Variants in SEC16B observed in about 807,000 individuals in gnomAD.
SEC16B encodes the protein SEC16 homolog B, endoplasmic reticulum export factor.
In SEC16B, 115 loss-of-function variants were observed where a neutral mutation model predicts 141.8. That is an observed-to-expected ratio of 0.81 (90% CI 0.70 to 0.95). SEC16B has a LOEUF of 0.95. SEC16B is among the 40% of genes least tolerant of loss of function. The pLI, the probability that SEC16B is intolerant of heterozygous loss-of-function variation, is 0.00. For synonymous variants in SEC16B, 493 were observed against 492.5 expected, an observed-to-expected ratio of 1.00 and a Z score of -0.01; for missense variants, 1,291 against 1,312.3, an observed-to-expected ratio of 0.98 and a Z score of 0.25.
intron 20 of SEC16B, among the ~76,000 whole-genome samples, chr1:177,933,989 T>TCC (rs376497970): frequency 7.6e-6 from 1 of 130,984 alleles, no homozygotes; most frequent in African/African-American, 2.9e-5. Flanking sequence ...GCCCACAAGC[T>TCC]CCCCCCAAAA....
intron 14 of SEC16B, chr1:177,946,024 A>T (rs1294590804): frequency 1.0e-5 from 4 of 392,494 alleles, no homozygotes; most frequent in Non-Finnish European, 1.8e-5. Flanking sequence ...TCCATTTTCC[A>T]GTTTTGCCTG....
chr1:177,944,704 TG>T (rs1355889031), intron 14 of SEC16B, 38 bp from the exon 15 acceptor site: 2 of 1,550,130 alleles, frequency 1.3e-6, no homozygotes, highest in Non-Finnish European at 1.8e-6. Context: ...GATTGAGGTG[TG>T]GGGGACGCAG....
At chr1:177,942,961 TACTGAGAACAAACCGCATGC>T (rs776842529) in intron 15 of SEC16B, among the ~76,000 whole-genome samples, 12 of 152,182 alleles carry the variant, frequency 7.9e-5, no homozygotes, top group Non-Finnish European at 1.6e-4. Flanking sequence ...TCAGGTAAAG[TACTGAGAACAAACCGCATGC>T]AAGAGATGAG....
At chr1:177,942,155 A>G in intron 15 of SEC16B, 115 bp from the exon 16 acceptor site, 1 of 1,146,600 alleles carries the variant, frequency 8.7e-7, no homozygotes, top group Non-Finnish European at 1.2e-6. Flanking sequence ...TCTGGCATCC[A>G]AATACCAAGA....
rs570510945 is a variant in SEC16B at position 177,943,660 on chromosome 1, A to G, written c.1881+901T>C. Among the ~76,000 whole-genome samples, 6 of 152,356 alleles carry G rather than the reference A, an allele frequency of 3.9e-5. No individual in the cohort carries two copies. The South Asian group carries it at 1.2e-3, about 32-fold the overall frequency. The stretch of plus-strand genomic sequence containing the variant: ...ACCTGTGCATAAAAGTCAAGAAAAC[A>G]CAAGGCAGCGTGAGCTCAGTGTCAG... On this transcript the variant is annotated intron_variant, in intron 15 of 25. Coordinates refer to ENST00000308284, the MANE Select transcript of SEC16B (RefSeq NM_033127.4).
chr1:177,949,383 AACACACACACACACACAC>A (rs61635250), intron 12 of SEC16B, among the ~76,000 whole-genome samples: 26,908 of 136,822 alleles, frequency 0.2, 2,627 homozygotes, highest in Middle Eastern at 0.26. Flanking sequence ...TCCCTTGCTA[AACACACACACACACACAC>A]ACACACACAC....
At chr1:177,944,521 C>T (rs774311694) in intron 15 of SEC16B, 40 bp downstream of exon 15, 2 of 1,515,790 alleles carry the variant, frequency 1.3e-6, no homozygotes, top group East Asian at 2.3e-5. Context: ...CCTGCAGCTG[C>T]CTGACAGTGA....
In SEC16B at chr1:177,965,942, A is replaced by T. The variant is rs1299442596; in HGVS notation, c.363T>A (p.Tyr121Ter). 1 of 1,600,210 alleles carries T rather than the reference A, an allele frequency of 6.2e-7. No individual in the cohort carries two copies. The highest frequency in any genetic ancestry group is 1.7e-5 in the Admixed American group (1 of 58,200). ...GGTGTCCATGATAGTAATAACTTCC[A>T]TAAGCATATTCCTCCCTCATTGTGG... ...QSPTMREEYA[Y>*]GSYYYHGHPQ... is the part of the protein sequence containing the mutation. Residue 121 changes from tyrosine (Y) to a stop codon, truncating the protein, a stop_gained, in exon 3 of 26, where the codon TAT (tyrosine) becomes TAA (stop). Coordinates refer to ENST00000308284, the MANE Select transcript of SEC16B (RefSeq NM_033127.4). LOFTEE classifies it high-confidence loss of function.
Position 177,965,964 on chromosome 1 carries a change from G to A in SEC16B, c.341C>T (p.Thr114Ile). The change falls in exon 3 of 26, where the codon ACA (threonine) becomes ATA (isoleucine). Residue 114 changes from threonine (T) to isoleucine (I), a missense_variant. Physicochemically the swap from Thr to Ile is moderately conservative, Grantham distance 89 (BLOSUM62 -1). Around this residue, in one of 3 missense-constraint regions of SEC16B, gnomAD observed 681 missense variants for 675.5 expected, o/e 1.01. Transcript: ENST00000308284. The stretch of plus-strand genomic sequence containing the variant: ...TCCATAAGCATATTCCTCCCTCATT[G>A]TGGGAGACTGATAGCTCTGATATGA... Reference protein sequence around the residue: ...ENSYQSYQSPTMREEYAYGSY... With the variant: ...ENSYQSYQSPIMREEYAYGSY... 1 of 1,596,866 alleles carries A rather than the reference G, an allele frequency of 6.3e-7. No homozygotes were observed. Among genetic ancestry groups the A allele is most frequent in the Non-Finnish European group, 8.5e-7 (1 of 1,170,690 alleles).
intron 13 of SEC16B, 63 bp downstream of exon 13, chr1:177,947,762 A>AGGGAG (rs1217531987): frequency 1.3e-6 from 1 of 745,396 alleles, no homozygotes; most frequent in Non-Finnish European, 2.0e-6. Context: ...GGAAAGGGAC[A>AGGGAG]GGGAGGGGAG....
At chr1:177,963,834 A>T (rs985623576) in intron 5 of SEC16B, among the ~76,000 whole-genome samples, 1 of 152,226 alleles carries the variant, frequency 6.6e-6, no homozygotes, top group Non-Finnish European at 1.5e-5. Flanking sequence ...GGATTAAACC[A>T]AATTGCTAGT....
chr1:177,954,180 C>T (rs1448644209), intron 11 of SEC16B, 99 bp downstream of exon 11: 8 of 776,102 alleles, frequency 1.0e-5, no homozygotes, highest in African/African-American at 1.7e-5. Context: ...GAGTGTGAGT[C>T]TCCTTAGCGC....
intron 24 of SEC16B, 131 bp from the exon 25 acceptor site, chr1:177,930,774 TC>T: frequency 1.7e-6 from 1 of 588,258 alleles, no homozygotes. Context: ...TTATCGACTC[TC>T]CAAAGGACAT....
intron 2 of SEC16B, among the ~76,000 whole-genome samples, chr1:177,966,658 C>G (rs994450422): frequency 2.0e-5 from 3 of 152,096 alleles, no homozygotes; most frequent in African/African-American, 7.2e-5. Context: ...CTCCATCTCC[C>G]GGGTTTAAGT....
chr1:177,937,372 G>A lies in SEC16B; in HGVS notation c.2345C>T (p.Ser782Phe), dbSNP rs114840329. The A allele has an allele frequency of 1.5e-3, 2,477 of 1,613,024 alleles. 38 individuals carry two copies. The African/African-American group carries it at 0.029, about 19-fold the overall frequency. The change falls in exon 19 of 26, where the codon TCC (serine) becomes TTC (phenylalanine). Residue 782 changes from serine (S) to phenylalanine (F), a missense_variant. Ser to Phe is a radical substitution (Grantham distance 155, BLOSUM62 -2). Coordinates refer to ENST00000308284, the MANE Select transcript of SEC16B (RefSeq NM_033127.4). ...PQQPFPLQPGSYPAGGGAGQT... is the reference protein window; with the variant it reads ...PQQPFPLQPGFYPAGGGAGQT... ...CCCTGCACCCCCTCCTGCTGGGTAGGAGCCCGGCTGGAGGGGAAAGGGCTG... is the reference window on the plus strand; with the variant it reads ...CCCTGCACCCCCTCCTGCTGGGTAGAAGCCCGGCTGGAGGGGAAAGGGCTG...
At position 177,965,082 on chromosome 1, in the gene SEC16B, G is replaced by C; in HGVS notation, c.498C>G (p.His166Gln). 6.2e-7 allele frequency: 1 copy of C among 1,613,562 alleles called. No individual in the cohort carries two copies. The highest frequency in any genetic ancestry group is 8.5e-7 in the Non-Finnish European group (1 of 1,179,746). ...TCTCACTATTTGTTCCAAATGGACT[G>C]TGCTGGTTTTCATAATGATGTTCAT... ...YLDEHHYENQ[H>Q]SPFGTNSETH... is the part of the protein sequence containing the mutation. The change falls in exon 4 of 26, where the codon CAC (histidine) becomes CAG (glutamine). Residue 166 changes from histidine (H) to glutamine (Q), a missense_variant. His to Gln is a conservative substitution (Grantham distance 24, BLOSUM62 0). This residue lies in a region of SEC16B where 681 missense variants were observed against 675.5 expected (regional missense o/e 1.01). Coordinates refer to ENST00000308284, the MANE Select transcript of SEC16B (RefSeq NM_033127.4).
intron 12 of SEC16B, 99 bp downstream of exon 12, chr1:177,951,807 TATCATCAC>T (rs1361558522): frequency 4.8e-6 from 4 of 833,408 alleles, no homozygotes; most frequent in Non-Finnish European, 6.0e-6. Context: ...CCATTAATAT[TATCATCAC>T]TTTTGCTCCT....
intron 11 of SEC16B, 127 bp downstream of exon 11, chr1:177,954,152 A>C: frequency 1.6e-6 from 1 of 625,414 alleles, no homozygotes; most frequent in Non-Finnish European, 2.8e-6. Context: ...CAGAAAAGAG[A>C]ACATGGAAAG....
chr1:177,948,630 A>G, intron 12 of SEC16B: 1 of 1,298,470 alleles, frequency 7.7e-7, no homozygotes, highest in Non-Finnish European at 1.0e-6. Context: ...TCTCTCCCTA[A>G]GGCTGTCCTA....
Sources: allele counts gnomAD v4.1 joint callset (sites outside exome capture counted in the v4.1 genomes callset), GRCh38; gene constraint gnomAD v4.1.1; regional missense constraint gnomAD v4.1.1; transcripts MANE v1.5; gene names NCBI Gene and HGNC (gene_info 2026-07-23, HGNC 2026-07-21).